Variants in DNAJC4 observed in about 807,000 individuals in gnomAD.
DNAJC4 encodes the protein DnaJ heat shock protein family (Hsp40) member C4, also known as dnaJ homolog subfamily C member 4.
In DNAJC4, 26 loss-of-function variants were observed where a neutral mutation model predicts 26.8. That is an observed-to-expected ratio of 0.97 (90% CI 0.71 to 1.34). The LOEUF is 1.34. Ranked by LOEUF, DNAJC4 falls within the 40% of genes most tolerant of loss-of-function variation. The pLI is 0.00. For synonymous variants in DNAJC4, 134 were observed against 127.8 expected, an observed-to-expected ratio of 1.05 and a Z score of -0.33; for missense variants, 342 against 321.1, an observed-to-expected ratio of 1.07 and a Z score of -0.50.
Position 64,234,148 on chromosome 11 carries a change from A to G in DNAJC4, c.690A>G (p.Gln230=), listed in dbSNP as rs1343767750. Reference sequence around the variant, plus strand: ...AGCCGCCACCATCCGAGCCAACCCAAGGCCCCGAGATCGTGCCCCGGGGCG... The same window carrying G: ...AGCCGCCACCATCCGAGCCAACCCAGGGCCCCGAGATCGTGCCCCGGGGCG... ...QRQPPPSEPT[Q]GPEIVPRGAG... is the part of the protein sequence containing the mutation. Residue 230 remains glutamine (Q), a synonymous_variant, in exon 6 of 6, where the codon CAA becomes CAG. Transcript: ENST00000628077. The surrounding 1 kb of genome is among the most constrained non-coding windows in gnomAD (Gnocchi z 5.3). The G allele has an allele frequency of 6.3e-7, 1 of 1,592,232 alleles. No individual in the cohort carries two copies. The highest frequency in any genetic ancestry group is 1.1e-5 in the South Asian group (1 of 89,302).
At chr11:64,233,370 C>T (rs2135008555) in intron 4 of DNAJC4, 1 of 159,076 alleles carries the variant, frequency 6.3e-6, no homozygotes, top group South Asian at 1.7e-4. Flanking sequence ...TCCCGAGTAG[C>T]TGGGACTACA....
At chr11:64,231,036 C>T (rs1256999285) in intron 1 of DNAJC4, 96 bp downstream of exon 1, 5 of 1,470,312 alleles carry the variant, frequency 3.4e-6, no homozygotes, top group South Asian at 2.4e-5. Context: ...TGTCAGGAGG[C>T]TCCCAGGTTT....
chr11:64,232,039 G>GTC, intron 2 of DNAJC4, 75 bp downstream of exon 2: 1 of 1,484,408 alleles, frequency 6.7e-7, no homozygotes, highest in East Asian at 2.3e-5. Flanking sequence ...ATTCCCAGGA[G>GTC]TAGACCAGCA....
chr11:64,232,736 C>T lies in DNAJC4; in HGVS notation c.398C>T (p.Ser133Phe), dbSNP rs1484821067. The T allele has an allele frequency of 1.2e-6, 2 of 1,610,910 alleles. No homozygotes were observed. Among genetic ancestry groups the T allele is most frequent in the East Asian group, 2.2e-5 (1 of 44,838 alleles). ...ACACCCCCCAACGCACAGTACTGGT[C>T]CCAGTTTCACAGCGTGAGGCCACAG... is the stretch of plus-strand genomic sequence containing the variant. Reference protein sequence around the residue: ...SWTPPNAQYWSQFHSVRPQGP... With the variant: ...SWTPPNAQYWFQFHSVRPQGP... Residue 133 changes from serine to phenylalanine, a missense_variant, in exon 4 of 6, where the codon TCC becomes TTC. Coordinates refer to ENST00000628077, the MANE Select transcript of DNAJC4 (RefSeq NM_005528.4).
chr11:64,232,301 C>A (rs1389123752), intron 2 of DNAJC4, 129 bp from the exon 3 acceptor site: 12 of 1,226,426 alleles, frequency 9.8e-6, no homozygotes, highest in Admixed American at 2.8e-5. Flanking sequence ...AGTGGGCAGG[C>A]CTGAGTGAGG....
chr11:64,234,245 C>A lies in DNAJC4; in HGVS notation c.*61C>A, dbSNP rs1947216896. 3 of 1,511,324 alleles carry A rather than the reference C, an allele frequency of 2.0e-6. No homozygotes were observed. Among genetic ancestry groups the A allele is most frequent in the East Asian group, 4.9e-5 (2 of 40,694 alleles). The allele number at this position is 1,511,324 out of a possible 1,614,324, so 93.6% of individuals were successfully genotyped here. ...GCTTTGCTTCCTTCCCTGGACGGCCCGCTCCCCGAAACGCGCGCAATAAAG... is the reference window on the plus strand; with the variant it reads ...GCTTTGCTTCCTTCCCTGGACGGCCAGCTCCCCGAAACGCGCGCAATAAAG... On this transcript the variant is annotated 3_prime_UTR_variant, in exon 6 of 6. Coordinates refer to ENST00000628077, the MANE Select transcript of DNAJC4 (RefSeq NM_005528.4). The surrounding 1 kb of genome is among the most constrained non-coding windows in gnomAD (Gnocchi z 5.3).
rs61761264 is a variant in DNAJC4 at position 64,234,233 on chromosome 11, C to T, written c.*49C>T. 7.5e-4 allele frequency: 1,139 copies of T among 1,519,288 alleles called. 4 individuals are homozygous for T. The highest frequency in any genetic ancestry group is 4.1e-3 in the South Asian group (342 of 83,298). 94.1% of individuals were successfully genotyped at this position (1,519,288 alleles called of 1,614,324 possible). A position where few individuals can be genotyped will look rare whatever the true frequency, so the allele number is the denominator to read the frequency against. On this transcript the variant is annotated 3_prime_UTR_variant, in exon 6 of 6. Transcript: ENST00000628077. This position sits in a 1 kb window ranked among gnomAD's most constrained non-coding sequence, Gnocchi z 5.3. The stretch of plus-strand genomic sequence containing the variant: ...CAGTGCGTTCCCGCTTTGCTTCCTT[C>T]CCTGGACGGCCCGCTCCCCGAAACG...
chr11:64,233,746 C>G, intron 4 of DNAJC4, 148 bp from the exon 5 acceptor site: 1 of 1,089,794 alleles, frequency 9.2e-7, no homozygotes, highest in South Asian at 1.6e-5. Flanking sequence ...TCTGAGCCCT[C>G]CCTATCTATC....
chr11:64,232,182 G>A (rs1947185180), intron 2 of DNAJC4: 2 of 710,414 alleles, frequency 2.8e-6, no homozygotes, highest in South Asian at 1.9e-5. Context: ...CTGCCTGCCT[G>A]CTCTTGAGAA....
In DNAJC4 at chr11:64,234,278, C is replaced by G; in HGVS notation, c.*94C>G. 2.1e-6 allele frequency: 3 copies of G among 1,442,294 alleles called. No individual in the cohort carries two copies. The highest frequency in any genetic ancestry group is 2.8e-6 in the Non-Finnish European group (3 of 1,081,788). 89.3% of individuals were successfully genotyped at this position (1,442,294 alleles called of 1,614,324 possible). ...GAAACGCGCGCAATAAAGTGATTCG[C>G]AGAGCTCGTGTCCGGCTCCCTCCTT... On this transcript the variant is annotated 3_prime_UTR_variant, in exon 6 of 6. Transcript: ENST00000628077. The surrounding 1 kb of genome is among the most constrained non-coding windows in gnomAD (Gnocchi z 5.3).
At chr11:64,231,086 A>T (rs750117901) in intron 1 of DNAJC4, 146 bp downstream of exon 1, 1 of 1,089,144 alleles carries the variant, frequency 9.2e-7, no homozygotes, top group South Asian at 1.3e-5. Flanking sequence ...AGGATCAGAG[A>T]TAGAGAAGAC....
In DNAJC4 at chr11:64,232,489, C is replaced by A; in HGVS notation, c.240C>A (p.Ser80Arg). The A allele has an allele frequency of 6.2e-7, 1 of 1,610,964 alleles. No individual in the cohort carries two copies. The highest frequency in any genetic ancestry group is 8.5e-7 in the Non-Finnish European group (1 of 1,177,722). ...PSLHSRFVEL[S>R]EAYRVLSREQ... is the part of the protein sequence containing the mutation. ...TGCACAGCCGCTTTGTGGAGCTGAG[C>A]GAGGCATACCGTGTGCTCAGCCGTG... is the stretch of plus-strand genomic sequence containing the variant. The change falls in exon 3 of 6, where the codon AGC becomes AGA. Residue 80 changes from serine to arginine, a missense_variant. Transcript: ENST00000628077.
chr11:64,231,643 A>C (rs1261247817), intron 1 of DNAJC4: 1 of 508,474 alleles, frequency 2.0e-6, no homozygotes, highest in Non-Finnish European at 3.5e-6. Context: ...CCTGTCCAGG[A>C]ATCAGTTTTT....
chr11:64,231,798 TG>T, intron 1 of DNAJC4, 72 bp from the exon 2 acceptor site: 1 of 1,424,408 alleles, frequency 7.0e-7, no homozygotes, highest in Non-Finnish European at 9.9e-7. Flanking sequence ...TTGAAGGGTG[TG>T]GCCCAGAAGG....
chr11:64,232,872 C>T lies in DNAJC4; in HGVS notation c.527+7C>T, dbSNP rs745606487. 5.1e-6 allele frequency: 8 copies of T among 1,569,502 alleles called. No individual in the cohort carries two copies. The South Asian group carries it at 9.5e-5, about 19-fold the overall frequency. ...TGCACTACATTGCCTTCAGGTGATG[C>T]CTGTTCTCCCCGGGGTGATGGGCAG... is the stretch of plus-strand genomic sequence containing the variant. On this transcript the variant is annotated splice_region_variant and intron_variant, in intron 4 of 5. Coordinates refer to ENST00000628077, the MANE Select transcript of DNAJC4 (RefSeq NM_005528.4).
intron 2 of DNAJC4, 134 bp downstream of exon 2, chr11:64,232,098 G>A: frequency 1.1e-6 from 1 of 910,006 alleles, no homozygotes; most frequent in South Asian, 1.5e-5. Flanking sequence ...AGTGGCAGGT[G>A]CTCAATGGTA....
At chr11:64,233,052 CGTT>C (rs1947197950) in intron 4 of DNAJC4, 187 bp downstream of exon 4, 1 of 528,070 alleles carries the variant, frequency 1.9e-6, no homozygotes, top group Non-Finnish European at 3.0e-6. Flanking sequence ...CAAGAGCTAA[CGTT>C]GTCATTTACA....
intron 4 of DNAJC4, 26 bp from the exon 5 acceptor site, chr11:64,233,868 C>T: frequency 6.2e-7 from 1 of 1,607,088 alleles, no homozygotes; most frequent in Non-Finnish European, 8.5e-7. Context: ...AATTGGATTC[C>T]CAGGGTTAAT....
rs3741405 is a variant in DNAJC4 at position 64,231,294 on chromosome 11, G to A, written c.86+354G>A. 2.6e-4 allele frequency: 89 copies of A among 342,750 alleles called. No individual in the cohort carries two copies. The East Asian group carries it at 5.6e-3, about 22-fold the overall frequency. 21.2% of individuals were successfully genotyped at this position (342,750 alleles called of 1,614,324 possible). A position where few individuals can be genotyped will look rare whatever the true frequency, so the allele number is the denominator to read the frequency against. On this transcript the variant is annotated intron_variant, in intron 1 of 5. Coordinates refer to ENST00000628077, the MANE Select transcript of DNAJC4 (RefSeq NM_005528.4). ...GCTCTGCTCTGGAGATTCTGAACTG[G>A]AGGAATCAATTGGGTGGGGGTCAGG...
Sources: allele counts gnomAD v4.1 joint callset, GRCh38; gene constraint gnomAD v4.1.1; non-coding constraint Gnocchi (gnomAD v3.1); transcripts MANE v1.5; gene names NCBI Gene and HGNC (gene_info 2026-07-23, HGNC 2026-07-21).